Variants in SGIP1 observed in about 807,000 individuals in gnomAD.
The protein encoded by SGIP1 is SH3GL interacting endocytic adaptor 1, also known as SH3-containing GRB2-like protein 3-interacting protein 1.
In SGIP1, 38 loss-of-function variants were observed where a neutral mutation model predicts 107.5. The ratio of observed to expected loss-of-function variants is 0.35; its 90% confidence interval spans 0.27 to 0.46. The LOEUF (loss-of-function observed/expected upper bound fraction) is 0.46, where lower values mean the gene tolerates loss of function less well. Ranked by LOEUF, SGIP1 falls within the 20% of genes least tolerant of loss-of-function variation. The probability of loss-of-function intolerance (pLI) is 1.00; values close to 1 mark genes in which losing one functional copy is unlikely to be tolerated. For missense variants in SGIP1, 929 were observed against 1,019.5 expected, an observed-to-expected ratio of 0.91 and a Z score of 1.21; for synonymous variants, 365 against 366.1, an observed-to-expected ratio of 1.00 and a Z score of 0.03.
At chr1:66,575,774 C>T (rs1421281776) in intron 1 of SGIP1, among the ~76,000 whole-genome samples, 3 of 152,192 alleles carry the variant, frequency 2.0e-5, no homozygotes, top group Non-Finnish European at 2.9e-5. Context: ...GAATCTGACA[C>T]ACTTCAAAGT....
intron 1 of SGIP1, among the ~76,000 whole-genome samples, chr1:66,554,326 G>T (rs2057866878): frequency 1.3e-5 from 2 of 152,274 alleles, no homozygotes; most frequent in Admixed American, 1.3e-4. Context: ...TTTGAGATTA[G>T]ATGCTTTCTC....
Position 66,746,184 on chromosome 1 carries a change from C to A in SGIP1, c.*3089C>A, listed in dbSNP as rs925283109. ...AAAGCAGATAACTATAATACCTTGG[C>A]TCTGCCACTGACTCCTGCCGTATGA... On this transcript the variant is annotated 3_prime_UTR_variant, in exon 25 of 25. Coordinates refer to ENST00000371037, the MANE Select transcript of SGIP1 (RefSeq NM_032291.4). 2.0e-5 allele frequency: 3 copies of A among 152,132 alleles called. No homozygotes were observed. 9.4% of individuals were successfully genotyped at this position (152,132 alleles called of 1,614,324 possible).
At chr1:66,575,776 CT>C (rs1197649927) in intron 1 of SGIP1, among the ~76,000 whole-genome samples, 3 of 152,168 alleles carry the variant, frequency 2.0e-5, no homozygotes, top group African/African-American at 7.2e-5. Flanking sequence ...ATCTGACACA[CT>C]TCAAAGTAAA....
intron 18 of SGIP1, among the ~76,000 whole-genome samples, chr1:66,718,382 A>G (rs1208381145): frequency 6.7e-6 from 1 of 148,770 alleles, no homozygotes; most frequent in African/African-American, 2.5e-5. Context: ...AAAATGATAC[A>G]GGAAACTGTT....
chr1:66,586,926 T>C (rs4655628), intron 1 of SGIP1, among the ~76,000 whole-genome samples: 103,583 of 151,794 alleles, frequency 0.68, 36,841 homozygotes, highest in East Asian at 1. Flanking sequence ...TTCATTTCTT[T>C]AGGATGTGCT....
At position 66,749,256 on chromosome 1, in the gene SGIP1, T is replaced by A. The variant is rs2094593177; in HGVS notation, c.*6161T>A. On this transcript the variant is annotated 3_prime_UTR_variant, in exon 25 of 25. Transcript: ENST00000371037. ...GCCGTGTGGAATTAATGCCAGTGAA[T>A]AATCTCCAGTAACGTTTTACTAAAC... Among the ~76,000 whole-genome samples the A allele has an allele frequency of 6.6e-6, 1 of 152,088 alleles. No individual in the cohort carries two copies. Among genetic ancestry groups the A allele is most frequent in the South Asian group, 2.1e-4 (1 of 4,824 alleles).
chr1:66,603,401 G>A (rs1272004474), intron 1 of SGIP1, among the ~76,000 whole-genome samples: 1 of 152,118 alleles, frequency 6.6e-6, no homozygotes, highest in Non-Finnish European at 1.5e-5. Context: ...GATCCACAAA[G>A]TTAAATTTTC....
chr1:66,695,285 G>A, intron 17 of SGIP1, 149 bp from the exon 18 acceptor site: 1 of 1,255,766 alleles, frequency 8.0e-7, no homozygotes, highest in South Asian at 2.1e-5. Context: ...TAGATTGCCA[G>A]CCTTCCCTTT....
At chr1:66,559,542 A>C (rs1245904918) in intron 1 of SGIP1, among the ~76,000 whole-genome samples, 2 of 152,108 alleles carry the variant, frequency 1.3e-5, no homozygotes, top group South Asian at 2.1e-4. Flanking sequence ...GAGCAGAGGG[A>C]GTCAAAAGCA....
chr1:66,636,062 A>C, intron 4 of SGIP1, 47 bp downstream of exon 4: 1 of 1,552,340 alleles, frequency 6.4e-7, no homozygotes, highest in South Asian at 1.1e-5. Flanking sequence ...GTTATAAAAA[A>C]CAGTGAGTAA....
intron 2 of SGIP1, among the ~76,000 whole-genome samples, chr1:66,627,622 A>T (rs1262444921): frequency 6.6e-6 from 1 of 151,996 alleles, no homozygotes; most frequent in Non-Finnish European, 1.5e-5. Context: ...TTCTTTTTGC[A>T]TTTTCTTTTG....
At chr1:66,597,822 G>C (rs2065015969) in intron 1 of SGIP1, among the ~76,000 whole-genome samples, 1 of 152,056 alleles carries the variant, frequency 6.6e-6, no homozygotes, top group African/African-American at 2.4e-5. Context: ...TCCTTTCCCA[G>C]TTTCACCTCT....
chr1:66,723,484 C>T (rs2093630972), intron 19 of SGIP1, among the ~76,000 whole-genome samples: 1 of 152,154 alleles, frequency 6.6e-6, no homozygotes, highest in African/African-American at 2.4e-5. Flanking sequence ...CTATTAGTTC[C>T]TATTTAAAGA....
At chr1:66,637,221 T>G (rs2075954011) in intron 4 of SGIP1, among the ~76,000 whole-genome samples, 1 of 152,168 alleles carries the variant, frequency 6.6e-6, no homozygotes, top group South Asian at 2.1e-4. Context: ...GTTTTCCATT[T>G]GAAAATCAAT....
chr1:66,626,013 A>G, intron 2 of SGIP1, 103 bp downstream of exon 2: 1 of 751,452 alleles, frequency 1.3e-6, no homozygotes, highest in Non-Finnish European at 2.1e-6. Flanking sequence ...GATATTGTGT[A>G]CTATTTGCTT....
chr1:66,723,032 C>T (rs1271942831), intron 19 of SGIP1, among the ~76,000 whole-genome samples: 1 of 152,186 alleles, frequency 6.6e-6, no homozygotes, highest in Non-Finnish European at 1.5e-5. Context: ...CAATTTATTT[C>T]ATTAAAATTT....
chr1:66,578,448 C>A (rs988836559), intron 1 of SGIP1, among the ~76,000 whole-genome samples: 11 of 152,172 alleles, frequency 7.2e-5, no homozygotes, highest in Non-Finnish European at 1.3e-4. Context: ...ACATATTTAA[C>A]CTGCTTAGCT....
intron 1 of SGIP1, among the ~76,000 whole-genome samples, chr1:66,617,064 G>A (rs1387034791): frequency 6.6e-6 from 1 of 152,176 alleles, no homozygotes; most frequent in Non-Finnish European, 1.5e-5. Flanking sequence ...AGATCACCTG[G>A]ATTTCCTTTA....
chr1:66,715,495 A>T (rs1417732619), intron 18 of SGIP1, among the ~76,000 whole-genome samples: 9 of 152,040 alleles, frequency 5.9e-5, no homozygotes, highest in Non-Finnish European at 1.0e-4. Flanking sequence ...GGAGGTGGGT[A>T]AGGAGAAATG....
Sources: gnomAD v4.1 joint callset for allele counts (sites outside exome capture counted in the v4.1 genomes callset) on GRCh38, gnomAD v4.1.1 for gene constraint, MANE v1.5 for transcripts, NCBI Gene and HGNC (gene_info 2026-07-23, HGNC 2026-07-21) for gene names.